Variants in FAM83B observed in about 807,000 individuals in gnomAD.
The protein encoded by FAM83B is scaffolding CK1 anchoring protein B.
A neutral mutation model predicts 38.8 loss-of-function variants in FAM83B; 26 were observed. The observed-to-expected ratio is 0.67, with a 90% CI of 0.49 to 0.93. FAM83B has a LOEUF of 0.93. FAM83B is among the 40% of genes least tolerant of loss of function. FAM83B has a pLI of 0.00. For missense variants in FAM83B, 1,237 were observed against 1,197.3 expected, an observed-to-expected ratio of 1.03 and a Z score of -0.49; for synonymous variants, 419 against 423.1, an observed-to-expected ratio of 0.99 and a Z score of 0.12.
chr6:54,874,754 G>A (rs1205811005), intron 2 of FAM83B, among the ~76,000 whole-genome samples: 1 of 152,032 alleles, frequency 6.6e-6, no homozygotes, highest in African/African-American at 2.4e-5. Context: ...TGTGAGATGT[G>A]AATCTTACTC....
chr6:54,863,336 T>C (rs1361588638), intron 1 of FAM83B, among the ~76,000 whole-genome samples: 1 of 152,234 alleles, frequency 6.6e-6, no homozygotes, highest in African/African-American at 2.4e-5. Context: ...TAACAGTTTT[T>C]AGCAGTTTTT....
At chr6:54,918,683 GGGATTAT>G (rs1279947184) in intron 2 of FAM83B, among the ~76,000 whole-genome samples, 2 of 152,136 alleles carry the variant, frequency 1.3e-5, no homozygotes, top group African/African-American at 4.8e-5. Context: ...ACAACACATG[GGGATTAT>G]GGGAACTACA....
intron 2 of FAM83B, among the ~76,000 whole-genome samples, chr6:54,904,259 T>G (rs567104774): frequency 6.6e-6 from 1 of 152,194 alleles, no homozygotes; most frequent in East Asian, 1.9e-4. Context: ...TCAGTACATA[T>G]GCTGATATGT....
intron 2 of FAM83B, among the ~76,000 whole-genome samples, chr6:54,916,641 T>C (rs1462921870): frequency 1.6e-4 from 24 of 152,160 alleles, no homozygotes; most frequent in Non-Finnish European, 1.5e-5. Flanking sequence ...GAGGAGCTAA[T>C]AGGATGTTTA....
Position 54,940,480 on chromosome 6 carries a change from T to C in FAM83B, c.1509T>C (p.Asp503=), listed in dbSNP as rs1276802745. The change falls in exon 5 of 5, where the codon GAT becomes GAC. Residue 503 remains aspartate, a synonymous_variant. Transcript: ENST00000306858. ...GGAGAATTGAATCCTACTTAAATGA[T>C]CATTCAGAAGCTACACCGGACTCAA... The part of the protein sequence containing the change: ...RNWRIESYLN[D]HSEATPDSNG... The C allele has an allele frequency of 1.2e-6, 2 of 1,614,074 alleles. No individual in the cohort carries two copies. The highest frequency in any genetic ancestry group is 2.2e-5 in the South Asian group (2 of 91,072).
At position 54,870,624 on chromosome 6, in the gene FAM83B, T is replaced by C; in HGVS notation, c.378T>C (p.His126=). The C allele has an allele frequency of 6.2e-7, 1 of 1,613,732 alleles. No homozygotes were observed. The highest frequency in any genetic ancestry group is 8.5e-7 in the Non-Finnish European group (1 of 1,179,910). Residue 126 remains histidine, a synonymous_variant, in exon 2 of 5, where the codon CAT becomes CAC. Transcript: ENST00000306858. ...LGGTHIDLLF[H]PPRAHLLTIK... ...GCACCCATATAGATCTCCTTTTTCATCCACCAAGAGCACATCTACTTACGA... is the reference window on the plus strand; with the variant it reads ...GCACCCATATAGATCTCCTTTTTCACCCACCAAGAGCACATCTACTTACGA...
chr6:54,872,554 G>A (rs899123701), intron 2 of FAM83B, among the ~76,000 whole-genome samples: 2 of 152,178 alleles, frequency 1.3e-5, no homozygotes, highest in Non-Finnish European at 2.9e-5. Context: ...CTGCGTGATA[G>A]CTAGTTTCCT....
At chr6:54,916,429 C>T (rs1299971217) in intron 2 of FAM83B, among the ~76,000 whole-genome samples, 3 of 152,048 alleles carry the variant, frequency 2.0e-5, no homozygotes, top group Non-Finnish European at 4.4e-5. Context: ...GAACCTTACA[C>T]TTAAGAATTA....
At chr6:54,893,724 T>C (rs190793760) in intron 2 of FAM83B, among the ~76,000 whole-genome samples, 1 of 152,306 alleles carries the variant, frequency 6.6e-6, no homozygotes, top group East Asian at 1.9e-4. Flanking sequence ...AGCATAGATA[T>C]ATATAGATAG....
At chr6:54,897,783 A>G (rs978812941) in intron 2 of FAM83B, among the ~76,000 whole-genome samples, 93 of 152,226 alleles carry the variant, frequency 6.1e-4, no homozygotes, top group African/African-American at 2.1e-3. Context: ...TGGCAAGCAT[A>G]TAGGGATTAG....
intron 2 of FAM83B, among the ~76,000 whole-genome samples, chr6:54,911,155 G>GTGTGTGTGTT (rs1373926578): frequency 6.6e-6 from 1 of 151,678 alleles, no homozygotes; most frequent in Admixed American, 6.6e-5. Context: ...GTGTGTGTGT[G>GTGTGTGTGTT]TGTGTGTGTG....
At chr6:54,865,820 T>C (rs560008467) in intron 1 of FAM83B, among the ~76,000 whole-genome samples, 2 of 152,282 alleles carry the variant, frequency 1.3e-5, no homozygotes, top group South Asian at 4.1e-4. Context: ...GGTTGTTTTA[T>C]ACTGCAGATG....
intron 4 of FAM83B, among the ~76,000 whole-genome samples, chr6:54,935,770 G>T (rs1372966491): frequency 6.6e-6 from 1 of 152,140 alleles, no homozygotes; most frequent in African/African-American, 2.4e-5. Flanking sequence ...AGACTAGGGT[G>T]ATAGTGGGAT....
chr6:54,903,872 C>T (rs141778476), intron 2 of FAM83B, among the ~76,000 whole-genome samples: 1 of 151,912 alleles, frequency 6.6e-6, no homozygotes, highest in Non-Finnish European at 1.5e-5. Flanking sequence ...ATATTGGAAT[C>T]GTTGCCCCAT....
At position 54,940,575 on chromosome 6, in the gene FAM83B, A is replaced by T. The variant is rs1478185013; in HGVS notation, c.1604A>T (p.Tyr535Phe). Residue 535 changes from tyrosine (Y) to phenylalanine (F), a missense_variant, in exon 5 of 5, where the codon TAT becomes TTT. Coordinates refer to ENST00000306858, the MANE Select transcript of FAM83B (RefSeq NM_001010872.3). ...GAGAATTTGAAGGCCAATGCCCTTTATACTCATTCTCGGCTTCGTTCCTCT... is the reference window on the plus strand; with the variant it reads ...GAGAATTTGAAGGCCAATGCCCTTTTTACTCATTCTCGGCTTCGTTCCTCT... The part of the protein sequence containing the change: ...NPENLKANAL[Y>F]THSRLRSSLV... 1.2e-6 allele frequency: 2 copies of T among 1,614,090 alleles called. No homozygotes were observed. The highest frequency in any genetic ancestry group is 1.7e-6 in the Non-Finnish European group (2 of 1,180,034).
chr6:54,918,218 A>G (rs1282126012), intron 2 of FAM83B, among the ~76,000 whole-genome samples: 1 of 152,186 alleles, frequency 6.6e-6, no homozygotes, highest in Admixed American at 6.5e-5. Context: ...AAAGTCTATT[A>G]TTAATTTCAA....
chr6:54,887,255 G>A (rs1228525564), intron 2 of FAM83B, among the ~76,000 whole-genome samples: 1 of 152,168 alleles, frequency 6.6e-6, no homozygotes, highest in Non-Finnish European at 1.5e-5. Context: ...CAAGGGTTCT[G>A]CATCAACAAC....
At chr6:54,904,908 G>A (rs1772743955) in intron 2 of FAM83B, among the ~76,000 whole-genome samples, 1 of 151,986 alleles carries the variant, frequency 6.6e-6, no homozygotes, top group Non-Finnish European at 1.5e-5. Flanking sequence ...AAAATTAGAG[G>A]GAAATAAGAG....
At chr6:54,928,657 G>C (rs572462983) in intron 4 of FAM83B, among the ~76,000 whole-genome samples, 24 of 152,224 alleles carry the variant, frequency 1.6e-4, no homozygotes, top group African/African-American at 5.5e-4. Context: ...TCCTTTTAAA[G>C]ACTCATTATA....
Sources: gnomAD v4.1 joint callset for allele counts (sites outside exome capture counted in the v4.1 genomes callset) on GRCh38, gnomAD v4.1.1 for gene constraint, MANE v1.5 for transcripts, NCBI Gene and HGNC (gene_info 2026-07-23, HGNC 2026-07-21) for gene names.